The following AQR variants were observed in gnomAD, a reference collection of about 807,000 sequenced individuals.
AQR encodes the protein aquarius intron-binding spliceosomal factor.
AQR carries 61 observed loss-of-function variants against 180.5 expected under a neutral mutation model. That is an observed-to-expected ratio of 0.34 (90% CI 0.28 to 0.42). The LOEUF (loss-of-function observed/expected upper bound fraction) is 0.42, where lower values mean the gene tolerates loss of function less well. Among genes scored for constraint, AQR ranks in the 10% least tolerant of loss-of-function variants. The probability of loss-of-function intolerance (pLI) is 1.00; values close to 1 mark genes in which losing one functional copy is unlikely to be tolerated. For missense variants in AQR, 1,281 were observed against 1,798.3 expected (o/e 0.71, Z 5.20); for synonymous variants, 551 against 588.8 (o/e 0.94, Z 0.93).
chr15:34,915,633 A>C (rs1893570838), intron 15 of AQR, among the ~76,000 whole-genome samples: 1 of 152,082 alleles, frequency 6.6e-6, no homozygotes, highest in Non-Finnish European at 1.5e-5. Context: ...AACCAGATTA[A>C]TAAATGTTGG....
At chr15:34,923,520 C>A (rs972571448) in intron 13 of AQR, among the ~76,000 whole-genome samples, 5 of 152,028 alleles carry the variant, frequency 3.3e-5, no homozygotes, top group African/African-American at 1.2e-4. Context: ...TTTGCACAAA[C>A]CCACGATCAC....
In AQR at chr15:34,969,591, T is replaced by G. The variant is rs1272750534; in HGVS notation, c.23A>C (p.Lys8Thr). Residue 8 changes from lysine to threonine, a missense_variant, in exon 1 of 35, where the codon AAG becomes ACG. By Grantham distance (78) the Lys-to-Thr change is moderately conservative. Coordinates refer to ENST00000156471, the MANE Select transcript of AQR (RefSeq NM_014691.3). Reference protein sequence around the residue: MAAPAQPKKIVAPTVSQI... With the variant: MAAPAQPTKIVAPTVSQI... ...GGACACCGTAGGGGCCACGATCTTC[T>G]TGGGCTGCGCAGGGGCTGCCATGGC... 1 of 1,613,710 alleles carries G rather than the reference T, an allele frequency of 6.2e-7. No individual in the cohort carries two copies. Among genetic ancestry groups the G allele is most frequent in the South Asian group, 1.1e-5 (1 of 91,086 alleles).
chr15:34,928,112 C>A (rs1177993627), intron 12 of AQR, among the ~76,000 whole-genome samples: 2 of 152,154 alleles, frequency 1.3e-5, no homozygotes, highest in African/African-American at 4.8e-5. Flanking sequence ...CAGGAAAAGA[C>A]ATCTGCGTTA....
intron 30 of AQR, among the ~76,000 whole-genome samples, chr15:34,872,958 A>G (rs533391863): frequency 3.2e-4 from 48 of 152,256 alleles, no homozygotes; most frequent in African/African-American, 1.1e-3. Flanking sequence ...ATGTATTTCT[A>G]TATGTATGTA....
intron 26 of AQR, among the ~76,000 whole-genome samples, chr15:34,884,079 A>G (rs548821828): frequency 6.6e-6 from 1 of 152,278 alleles, no homozygotes; most frequent in East Asian, 1.9e-4. Context: ...GATCCAATTT[A>G]TATCTTACTT....
rs780265494 is a variant in AQR at position 34,890,364 on chromosome 15, G to A, written c.2572-40C>T. ...AAGAAGGGTGACGGCACCTTTAAAC[G>A]TAGCAAAAACTAACATTTAGAAAGA... On this transcript the variant is annotated intron_variant, in intron 23 of 34. Transcript: ENST00000156471. 19 of 1,537,804 alleles carry A rather than the reference G, an allele frequency of 1.2e-5. No individual in the cohort carries two copies. In the East Asian group the frequency reaches 2.3e-4, roughly 18 times the overall value.
chr15:34,964,652 G>A (rs956316413), intron 1 of AQR, among the ~76,000 whole-genome samples: 2 of 151,934 alleles, frequency 1.3e-5, no homozygotes, highest in African/African-American at 4.8e-5. Flanking sequence ...CAAGATTACA[G>A]TTAGTTAATA....
chr15:34,938,170 G>A (rs1230013090), intron 9 of AQR, among the ~76,000 whole-genome samples: 2 of 151,992 alleles, frequency 1.3e-5, no homozygotes, highest in East Asian at 3.9e-4. Flanking sequence ...ACAGGACCTG[G>A]ATCTAGTAAT....
chr15:34,921,004 G>A (rs1329986011), intron 13 of AQR, among the ~76,000 whole-genome samples: 1 of 151,840 alleles, frequency 6.6e-6, no homozygotes, highest in East Asian at 1.9e-4. Context: ...TTGTTTCACA[G>A]TTTTATTTAA....
intron 27 of AQR, among the ~76,000 whole-genome samples, chr15:34,878,209 A>T (rs1189597447): frequency 2.0e-5 from 3 of 151,696 alleles, no homozygotes; most frequent in Non-Finnish European, 4.4e-5. Flanking sequence ...ACATGGTGAA[A>T]CCCCGTCTTT....
rs111342363 is a variant in AQR, at chr15:34,873,736, T to C, written c.3597+92A>G. ...TAAGGTGGGGTTCCAACTTTCCTTT[T>C]CTCAACGGCCAAATGGTTAAGTATC... On this transcript the variant is annotated intron_variant, in intron 30 of 34. Coordinates refer to ENST00000156471, the MANE Select transcript of AQR (RefSeq NM_014691.3). 1.9e-3 allele frequency: 2,293 copies of C among 1,204,744 alleles called. 33 individuals are homozygous for C. The African/African-American group carries it at 0.03, about 16-fold the overall frequency. The allele number at this position is 1,204,744 out of a possible 1,614,324, so 74.6% of individuals were successfully genotyped here.
Position 34,938,830 on chromosome 15 carries a change from C to T in AQR, c.642-17G>A. The T allele has an allele frequency of 6.4e-7, 1 of 1,551,678 alleles. No homozygotes were observed. The highest frequency in any genetic ancestry group is 8.8e-7 in the Non-Finnish European group (1 of 1,130,876). On this transcript the variant is annotated splice_polypyrimidine_tract_variant and intron_variant, in intron 8 of 34. Transcript: ENST00000156471. ...TGATATGCCCTAAAATCAGAAAGAA[C>T]ATTGACCAATTATTTTTGAAGAATA...
intron 19 of AQR, among the ~76,000 whole-genome samples, chr15:34,901,195 AAAC>A (rs1199929998): frequency 6.6e-6 from 1 of 152,198 alleles, no homozygotes; most frequent in Non-Finnish European, 1.5e-5. Context: ...GCAGTAAAAA[AAAC>A]AATATAGAAC....
chr15:34,884,536 TAA>T lies in AQR; in HGVS notation c.3014_3015del (p.Phe1005TyrfsTer4), dbSNP rs1450680618. ...TTGAGAATCCTTACCTCAAGCTGCG[TAA>T]AGATTTTCTTAATATGCCTGAAACA... Reference protein sequence around the residue: ...EGCFRHIKKIFTQLEEFRASE... With the variant: ...EGCFRHIKKIXTQLEEFRASE... On this transcript the variant is annotated frameshift_variant, in exon 26 of 35. Coordinates refer to ENST00000156471, the MANE Select transcript of AQR (RefSeq NM_014691.3). LOFTEE classifies it high-confidence loss of function. 1 of 1,591,770 alleles carries T rather than the reference TAA, an allele frequency of 6.3e-7. No individual in the cohort carries two copies. Among genetic ancestry groups the T allele is most frequent in the South Asian group, 1.2e-5 (1 of 86,326 alleles).
intron 24 of AQR, 36 bp downstream of exon 24, chr15:34,890,179 C>T (rs757811584): frequency 2.0e-6 from 3 of 1,509,744 alleles, no homozygotes; most frequent in Admixed American, 2.1e-5. Flanking sequence ...AATAAAAAAT[C>T]CTTTTTTACA....
intron 5 of AQR, among the ~76,000 whole-genome samples, chr15:34,947,806 A>T (rs1894153302): frequency 6.6e-6 from 1 of 151,830 alleles, no homozygotes; most frequent in Non-Finnish European, 1.5e-5. Flanking sequence ...TGCCTGGCTA[A>T]TTTTTTCTTT....
At chr15:34,874,555 G>T in intron 29 of AQR, 122 bp downstream of exon 29, 1 of 1,189,244 alleles carries the variant, frequency 8.4e-7, no homozygotes, top group Non-Finnish European at 1.2e-6. Flanking sequence ...TTGGATTTAT[G>T]GATAGCCAAG....
intron 26 of AQR, 53 bp from the exon 27 acceptor site, chr15:34,882,692 C>A: frequency 6.8e-7 from 1 of 1,475,508 alleles, no homozygotes; most frequent in Non-Finnish European, 9.1e-7. Flanking sequence ...GAGTTTTGCA[C>A]ATAACCATAC....
intron 9 of AQR, among the ~76,000 whole-genome samples, chr15:34,938,461 T>A (rs1893975758): frequency 6.6e-6 from 1 of 151,918 alleles, no homozygotes; most frequent in Admixed American, 6.6e-5. Flanking sequence ...GGAACCCTGC[T>A]GGGGGAGGTT....
Sources: allele counts gnomAD v4.1 joint callset (sites outside exome capture counted in the v4.1 genomes callset), GRCh38; gene constraint gnomAD v4.1.1; transcripts MANE v1.5; gene names NCBI Gene and HGNC (gene_info 2026-07-23, HGNC 2026-07-21).